Variants in TFPI observed in about 807,000 individuals in gnomAD.
TFPI encodes the protein tissue factor pathway inhibitor.
Under a neutral mutation model 34.6 loss-of-function variants are expected in TFPI, and 15 were observed. That is an observed-to-expected ratio of 0.43 (90% CI 0.29 to 0.67). The LOEUF is 0.67. Ranked by LOEUF, TFPI falls within the 30% of genes least tolerant of loss-of-function variation. The pLI, the probability that TFPI is intolerant of heterozygous loss-of-function variation, is 0.15. For synonymous variants in TFPI, 105 were observed against 120.1 expected, an observed-to-expected ratio of 0.87 and a Z score of 0.82; for missense variants, 301 against 364.0, an observed-to-expected ratio of 0.83 and a Z score of 1.41.
At chr2:187,545,076 G>A (rs572601015) in intron 1 of TFPI, among the ~76,000 whole-genome samples, 8 of 152,130 alleles carry the variant, frequency 5.3e-5, no homozygotes, top group South Asian at 4.1e-4. Context: ...GTGCCACTGC[G>A]CTCCAGCCTG....
chr2:187,494,122 A>G (rs888593851), intron 3 of TFPI, among the ~76,000 whole-genome samples: 1 of 152,186 alleles, frequency 6.6e-6, no homozygotes, highest in Non-Finnish European at 1.5e-5. Context: ...TGTTAAAACC[A>G]TAAGATCATG....
In TFPI at chr2:187,492,296, A is replaced by G. The variant is rs8176480; in HGVS notation, c.320-3921T>C. Among the ~76,000 whole-genome samples the G allele has an allele frequency of 4.0e-3, 607 of 152,220 alleles. 2 individuals are homozygous for G. Among genetic ancestry groups the G allele is most frequent in the African/African-American group, 0.014 (578 of 41,516 alleles). On this transcript the variant is annotated intron_variant, in intron 3 of 7. Coordinates refer to ENST00000233156, the MANE Select transcript of TFPI (RefSeq NM_006287.6). ...TAGTCATAAATTCTTTGCCTAGGTC[A>G]ATATGTAGGAGGGTTTTTCCCAGAT... is the stretch of plus-strand genomic sequence containing the variant.
At chr2:187,478,691 A>T in intron 6 of TFPI, 1 of 1,613,262 alleles carries the variant, frequency 6.2e-7, no homozygotes, top group Non-Finnish European at 8.5e-7. Flanking sequence ...ATAGGCATGA[A>T]ATGCTATCCA....
At chr2:187,520,041 T>C (rs1687274214) in intron 1 of TFPI, among the ~76,000 whole-genome samples, 1 of 152,148 alleles carries the variant, frequency 6.6e-6, no homozygotes, top group South Asian at 2.1e-4. Flanking sequence ...ACTGCTATGC[T>C]AGCAGCAAGA....
At chr2:187,519,925 C>T (rs1687262901) in intron 1 of TFPI, 1 of 152,252 alleles carries the variant, frequency 6.6e-6, no homozygotes, top group East Asian at 1.9e-4. Flanking sequence ...GTTGGAACTT[C>T]CCTGGGGCTT....
intron 1 of TFPI, chr2:187,529,600 CT>C (rs1176455480): frequency 1.3e-5 from 2 of 152,100 alleles, no homozygotes; most frequent in African/African-American, 4.8e-5. Context: ...TAATTACCCC[CT>C]AAAACCTTAC....
intron 6 of TFPI, among the ~76,000 whole-genome samples, chr2:187,475,058 A>G (rs1363378813): frequency 6.6e-6 from 1 of 152,172 alleles, no homozygotes; most frequent in Non-Finnish European, 1.5e-5. Context: ...TAACACAGGC[A>G]TTGAAGTCAC....
chr2:187,481,653 A>AGGGAG (rs1692866543), intron 6 of TFPI, among the ~76,000 whole-genome samples: 1 of 100,734 alleles, frequency 9.9e-6, no homozygotes, highest in Non-Finnish European at 1.9e-5. Context: ...AAGGGAGGGA[A>AGGGAG]GGGAGGGGAG....
intron 1 of TFPI, among the ~76,000 whole-genome samples, chr2:187,538,633 G>A (rs1409681652): frequency 1.3e-5 from 2 of 152,160 alleles, no homozygotes; most frequent in African/African-American, 2.4e-5. Flanking sequence ...AATACCTAAT[G>A]TAGATGATGG....
rs566662500 is a variant in TFPI at position 187,492,210 on chromosome 2, C to T, written c.320-3835G>A. Among the ~76,000 whole-genome samples, 4 of 152,162 alleles carry T rather than the reference C, an allele frequency of 2.6e-5. No individual in the cohort carries two copies. The South Asian group carries it at 8.3e-4, about 32-fold the overall frequency. On this transcript the variant is annotated intron_variant, in intron 3 of 7. Coordinates refer to ENST00000233156, the MANE Select transcript of TFPI (RefSeq NM_006287.6). ...TTTTTAATTTAAGTTACTTGTGGAT[C>T]AACTTCAATTTAACTCTCATTTGGC...
chr2:187,495,019 AGCCT>A (rs1685377883), intron 3 of TFPI, among the ~76,000 whole-genome samples: 1 of 152,144 alleles, frequency 6.6e-6, no homozygotes, highest in Non-Finnish European at 1.5e-5. Flanking sequence ...CACTGCACCC[AGCCT>A]CAAGTGAATT....
At chr2:187,534,668 G>T (rs1043295193) in intron 1 of TFPI, among the ~76,000 whole-genome samples, 3 of 151,992 alleles carry the variant, frequency 2.0e-5, no homozygotes, top group African/African-American at 7.2e-5. Context: ...CAACTAACAG[G>T]CAAAATAACC....
intron 3 of TFPI, among the ~76,000 whole-genome samples, chr2:187,490,091 A>C (rs1685013809): frequency 6.6e-6 from 1 of 151,526 alleles, no homozygotes; most frequent in Admixed American, 6.6e-5. Flanking sequence ...AATATCCCAA[A>C]ATTTGCATTT....
At chr2:187,502,629 A>G (rs1036183889) in intron 2 of TFPI, among the ~76,000 whole-genome samples, 2 of 152,264 alleles carry the variant, frequency 1.3e-5, no homozygotes, top group South Asian at 4.1e-4. Context: ...CAGAGAGCCA[A>G]GCTTGATTGA....
chr2:187,543,521 A>G (rs550531144), intron 1 of TFPI, among the ~76,000 whole-genome samples: 4 of 152,334 alleles, frequency 2.6e-5, no homozygotes, highest in African/African-American at 9.6e-5. Context: ...ATTCATTTTC[A>G]TAGTTTCTCT....
intron 6 of TFPI, among the ~76,000 whole-genome samples, chr2:187,468,155 C>T (rs540056866): frequency 1.3e-5 from 2 of 152,006 alleles, no homozygotes; most frequent in African/African-American, 4.8e-5. Flanking sequence ...TAAAAAATCT[C>T]ATTTGCTAAA....
intron 1 of TFPI, chr2:187,514,135 A>G (rs1333687424): frequency 6.6e-6 from 1 of 152,240 alleles, no homozygotes; most frequent in Non-Finnish European, 1.5e-5. Context: ...GTAATTTCCT[A>G]AAACCATATG....
intron 1 of TFPI, among the ~76,000 whole-genome samples, chr2:187,506,259 A>T (rs562589924): frequency 9.9e-5 from 15 of 152,218 alleles, no homozygotes; most frequent in African/African-American, 3.6e-4. Context: ...AATTTGCTGT[A>T]AACATCTGCT....
At chr2:187,537,826 T>G (rs1408067247) in intron 1 of TFPI, among the ~76,000 whole-genome samples, 2 of 152,192 alleles carry the variant, frequency 1.3e-5, no homozygotes, top group African/African-American at 4.8e-5. Context: ...AGAAAATTTT[T>G]GCAATCTATC....
Sources: allele counts gnomAD v4.1 joint callset (sites outside exome capture counted in the v4.1 genomes callset), GRCh38; gene constraint gnomAD v4.1.1; transcripts MANE v1.5; gene names NCBI Gene and HGNC (gene_info 2026-07-23, HGNC 2026-07-21).